Variants in CDH18 observed in about 807,000 individuals in gnomAD.
CDH18 encodes cadherin-18.
CDH18 carries 31 observed loss-of-function variants against 67.9 expected under a neutral mutation model. The ratio of observed to expected loss-of-function variants is 0.46; its 90% confidence interval spans 0.34 to 0.62. The LOEUF is 0.62. Ranked by LOEUF, CDH18 falls within the 20% of genes least tolerant of loss-of-function variation. The pLI is 0.01. For missense variants in CDH18, 890 were observed against 975.5 expected (o/e 0.91, Z 1.17); for synonymous variants, 362 against 347.2 (o/e 1.04, Z -0.48).
At chr5:19,713,384 G>C (rs1764961520) in intron 5 of CDH18, among the ~76,000 whole-genome samples, 1 of 151,984 alleles carries the variant, frequency 6.6e-6, no homozygotes, top group Admixed American at 6.6e-5. Context: ...TCCTTACTCT[G>C]TTTGCTTAAC....
intron 8 of CDH18, among the ~76,000 whole-genome samples, chr5:19,559,659 G>A (rs2127199542): frequency 6.6e-6 from 1 of 152,132 alleles, no homozygotes; most frequent in South Asian, 2.1e-4. Flanking sequence ...GTCCTAGCCA[G>A]AGCAGTCAAA....
chr5:19,726,843 G>C (rs973460929), intron 4 of CDH18, among the ~76,000 whole-genome samples: 2 of 152,092 alleles, frequency 1.3e-5, no homozygotes, highest in Non-Finnish European at 2.9e-5. Flanking sequence ...TTTGAGGGTA[G>C]GGTTTTTGCA....
chr5:20,410,761 C>T (rs1349278432), intron 1 of CDH18, among the ~76,000 whole-genome samples: 1 of 151,740 alleles, frequency 6.6e-6, no homozygotes. Flanking sequence ...ACGTTAAAGT[C>T]TCCATTTAAA....
intron 2 of CDH18, among the ~76,000 whole-genome samples, chr5:19,846,728 A>C (rs541533108): frequency 1.3e-5 from 2 of 152,234 alleles, no homozygotes; most frequent in Admixed American, 6.5e-5. Flanking sequence ...GGGTAGCTGT[A>C]CTTTCATATA....
At chr5:20,300,377 T>A (rs1747879887) in intron 1 of CDH18, among the ~76,000 whole-genome samples, 2 of 152,048 alleles carry the variant, frequency 1.3e-5, no homozygotes, top group South Asian at 4.1e-4. Flanking sequence ...AGTCATTCTC[T>A]CGTTTTTCCT....
At chr5:20,147,840 G>A (rs1750775986) in intron 2 of CDH18, among the ~76,000 whole-genome samples, 1 of 152,096 alleles carries the variant, frequency 6.6e-6, no homozygotes, top group Non-Finnish European at 1.5e-5. Context: ...AAATAAATAG[G>A]AGGAAAAGGT....
At chr5:19,765,964 C>T (rs1333420321) in intron 3 of CDH18, among the ~76,000 whole-genome samples, 1 of 152,000 alleles carries the variant, frequency 6.6e-6, no homozygotes, top group East Asian at 1.9e-4. Context: ...ACTGCAACCT[C>T]GGCCTCCCAG....
chr5:19,537,133 C>G (rs1749541068), intron 9 of CDH18, among the ~76,000 whole-genome samples: 1 of 151,924 alleles, frequency 6.6e-6, no homozygotes, highest in African/African-American at 2.4e-5. Flanking sequence ...AGCAGACAGT[C>G]TTTCATATTG....
intron 2 of CDH18, among the ~76,000 whole-genome samples, chr5:19,920,204 A>G (rs954175664): frequency 3.2e-4 from 48 of 152,220 alleles, no homozygotes; most frequent in African/African-American, 1.1e-3. Flanking sequence ...CATATCTTAG[A>G]GAAAATCCTA....
At chr5:19,897,791 AAG>A (rs1789513451) in intron 2 of CDH18, among the ~76,000 whole-genome samples, 4 of 152,224 alleles carry the variant, frequency 2.6e-5, no homozygotes, top group Admixed American at 2.6e-4. Flanking sequence ...GAAAGAAAAA[AAG>A]AGAGTCCATA....
chr5:20,122,847 A>G (rs139806178), intron 2 of CDH18, among the ~76,000 whole-genome samples: 3,191 of 147,820 alleles, frequency 0.022, 124 homozygotes, highest in African/African-American at 0.072. Context: ...TATATTCCCT[A>G]TATAACATGT....
At chr5:19,536,658 T>C (rs1749466550) in intron 9 of CDH18, among the ~76,000 whole-genome samples, 1 of 152,168 alleles carries the variant, frequency 6.6e-6, no homozygotes, top group African/African-American at 2.4e-5. Flanking sequence ...ATTGGATTCA[T>C]ATAGGGCAAT....
chr5:20,304,451 T>C (rs1736237325), intron 1 of CDH18: 6 of 1,520,750 alleles, frequency 3.9e-6, no homozygotes, highest in Non-Finnish European at 5.5e-6. Context: ...ATCTCCACCT[T>C]TGCATTCACC....
At chr5:20,305,530 T>C in intron 1 of CDH18, 1 of 860,788 alleles carries the variant, frequency 1.2e-6, no homozygotes, top group Non-Finnish European at 2.0e-6. Context: ...GGCGCAGGGG[T>C]CTCGAGCGGC....
At chr5:20,084,188 A>G (rs1267784775) in intron 2 of CDH18, among the ~76,000 whole-genome samples, 2 of 152,194 alleles carry the variant, frequency 1.3e-5, no homozygotes, top group African/African-American at 4.8e-5. Flanking sequence ...TTGGGTAAAT[A>G]CAGCCTTTAC....
chr5:20,038,289 C>T (rs1340516088), intron 2 of CDH18, among the ~76,000 whole-genome samples: 1 of 152,134 alleles, frequency 6.6e-6, no homozygotes, highest in Non-Finnish European at 1.5e-5. Flanking sequence ...GAGCTGGTAC[C>T]ATTCCTTCTG....
chr5:19,960,230 A>G (rs1256481982), intron 2 of CDH18, among the ~76,000 whole-genome samples: 2 of 152,124 alleles, frequency 1.3e-5, no homozygotes, highest in Non-Finnish European at 2.9e-5. Flanking sequence ...TGTTTTAAAT[A>G]ACAATTAGCT....
intron 1 of CDH18, among the ~76,000 whole-genome samples, chr5:20,364,294 TA>T (rs540491907): frequency 9.2e-5 from 14 of 151,716 alleles, no homozygotes; most frequent in Non-Finnish European, 1.8e-4. Context: ...CAATTGAAAT[TA>T]AAAAAATAAT....
At chr5:20,132,169 G>A (rs759147950) in intron 2 of CDH18, among the ~76,000 whole-genome samples, 4 of 152,106 alleles carry the variant, frequency 2.6e-5, no homozygotes, top group Non-Finnish European at 4.4e-5. Flanking sequence ...GATTACAGGC[G>A]TGAGCCACCA....
Sources: gnomAD v4.1 joint callset for allele counts (sites outside exome capture counted in the v4.1 genomes callset) on GRCh38, gnomAD v4.1.1 for gene constraint, MANE v1.5 for transcripts, NCBI Gene and HGNC (gene_info 2026-07-23, HGNC 2026-07-21) for gene names.